The following PEAK1 variants were observed in gnomAD, a reference collection of about 807,000 sequenced individuals.
PEAK1 encodes pseudopodium enriched atypical kinase 1.
PEAK1 carries 54 observed loss-of-function variants against 124.7 expected under a neutral mutation model. The ratio of observed to expected loss-of-function variants is 0.43; its 90% confidence interval spans 0.35 to 0.54. The LOEUF (loss-of-function observed/expected upper bound fraction) is 0.54. PEAK1 is among the 20% of genes least tolerant of loss of function. The pLI, the probability that PEAK1 is intolerant of heterozygous loss-of-function variation, is 0.01. For synonymous variants in PEAK1, 719 were observed against 760.0 expected (o/e 0.95, Z 0.89); for missense variants, 2,046 against 2,134.5 (o/e 0.96, Z 0.82).
chr15:77,220,369 C>T (rs563295933), intron 6 of PEAK1, among the ~76,000 whole-genome samples: 57 of 152,102 alleles, frequency 3.7e-4, no homozygotes, highest in African/African-American at 1.3e-3. Flanking sequence ...CTTCTTACCA[C>T]TTAGATGTTA....
chr15:77,419,664 G>T (rs1277565614), intron 1 of PEAK1: 16 of 984,968 alleles, frequency 1.6e-5, no homozygotes, highest in Non-Finnish European at 1.9e-5. Flanking sequence ...TCCCAGCCGC[G>T]CCCGGGGGCG....
chr15:77,179,169 C>T lies in PEAK1; in HGVS notation c.2758G>A (p.Ala920Thr), dbSNP rs750098550. 2 of 1,614,152 alleles carry T rather than the reference C, an allele frequency of 1.2e-6. No homozygotes were observed. The highest frequency in any genetic ancestry group is 1.7e-5 in the Admixed American group (1 of 60,010). The change falls in exon 7 of 10, where the codon GCA (alanine) becomes ACA (threonine). Residue 920 changes from alanine to threonine, a missense_variant. Ala to Thr is a moderately conservative substitution (Grantham distance 58, BLOSUM62 0). Transcript: ENST00000682557. ...AATGATATCCAGCGCTTAGGTTTTG[C>T]ATCAGCTGCCCGCCTGCTGCCTTCA... ...HSEGSRRAAD[A>T]KPKRWISFKS...
chr15:77,412,727 T>C (rs1426539414), intron 1 of PEAK1, among the ~76,000 whole-genome samples: 1 of 151,762 alleles, frequency 6.6e-6, no homozygotes, highest in Non-Finnish European at 1.5e-5. Context: ...AATATCATCC[T>C]CCAATGAAAG....
In PEAK1 at chr15:77,133,473, G is replaced by A; in HGVS notation, c.3609C>T (p.Ile1203=). The A allele has an allele frequency of 6.2e-7, 1 of 1,614,228 alleles. No homozygotes were observed. ...NWDASSAGSS[I]SYELKGLDIE... The stretch of plus-strand genomic sequence containing the variant: ...TGTCCAGTCCTTTGAGTTCATAGCT[G>A]ATGGAAGAACCAGCACTGCTGGCAT... Residue 1203 remains isoleucine, a synonymous_variant, in exon 9 of 10, where the codon ATC becomes ATT. Transcript: ENST00000682557. This position sits in a 1 kb window ranked among gnomAD's most constrained non-coding sequence, Gnocchi z 4.2.
At chr15:77,344,810 T>A (rs1268472866) in intron 2 of PEAK1, among the ~76,000 whole-genome samples, 2 of 152,230 alleles carry the variant, frequency 1.3e-5, no homozygotes, top group African/African-American at 4.8e-5. Context: ...TTCTTTTTGA[T>A]AGAATTGTTT....
At chr15:77,270,867 T>C (rs2061993731) in intron 5 of PEAK1, among the ~76,000 whole-genome samples, 1 of 152,142 alleles carries the variant, frequency 6.6e-6, no homozygotes, top group South Asian at 2.1e-4. Flanking sequence ...GATGTAGGCA[T>C]GGGCAAGGAC....
intron 6 of PEAK1, among the ~76,000 whole-genome samples, chr15:77,228,610 C>A (rs2059778140): frequency 6.6e-6 from 1 of 152,022 alleles, no homozygotes; most frequent in Non-Finnish European, 1.5e-5. Context: ...AGCACAAACC[C>A]TGAGAGGATG....
intron 1 of PEAK1, among the ~76,000 whole-genome samples, chr15:77,377,155 T>C (rs1250505832): frequency 2.0e-5 from 3 of 152,162 alleles, no homozygotes; most frequent in Non-Finnish European, 4.4e-5. Flanking sequence ...GAGACCAAGG[T>C]GAGAGGATCA....
At chr15:77,357,804 T>C (rs2067616902) in intron 2 of PEAK1, among the ~76,000 whole-genome samples, 1 of 152,144 alleles carries the variant, frequency 6.6e-6, no homozygotes, top group Non-Finnish European at 1.5e-5. Context: ...CCACATACCT[T>C]TTCTATTTTT....
intron 6 of PEAK1, among the ~76,000 whole-genome samples, chr15:77,219,915 G>C (rs1354891610): frequency 6.6e-6 from 1 of 151,790 alleles, no homozygotes; most frequent in African/African-American, 2.4e-5. Flanking sequence ...TTATTAATAG[G>C]CCATACTTTA....
At chr15:77,337,684 A>G (rs1026365184) in intron 2 of PEAK1, 8 of 985,336 alleles carry the variant, frequency 8.1e-6, no homozygotes, top group Non-Finnish European at 8.4e-6. Context: ...ATTAACCCGG[A>G]AAAGTCATTT....
intron 9 of PEAK1, among the ~76,000 whole-genome samples, chr15:77,115,606 G>A (rs747641175): frequency 2.5e-4 from 36 of 145,340 alleles, no homozygotes; most frequent in Non-Finnish European, 4.5e-4. Flanking sequence ...AAAAAAGCCC[G>A]GGGTTATGTG....
At chr15:77,131,081 T>C (rs1434256979) in intron 9 of PEAK1, among the ~76,000 whole-genome samples, 1 of 152,242 alleles carries the variant, frequency 6.6e-6, no homozygotes, top group Admixed American at 6.5e-5. Context: ...GAATTCTTGA[T>C]GTCAAGAGTT....
At chr15:77,254,671 T>C (rs181000393) in intron 5 of PEAK1, among the ~76,000 whole-genome samples, 11 of 152,194 alleles carry the variant, frequency 7.2e-5, no homozygotes, top group Admixed American at 6.5e-4. Flanking sequence ...GGGCTCAAGC[T>C]ATCTTCCCAC....
downstream of PEAK1, chr15:77,107,561 A>G (rs771888805): frequency 1.3e-5 from 2 of 152,170 alleles, no homozygotes; most frequent in Non-Finnish European, 2.9e-5. Flanking sequence ...CTTTTCATCT[A>G]TTCTCCTCTC....
chr15:77,415,787 C>T (rs2072830153), intron 1 of PEAK1, among the ~76,000 whole-genome samples: 2 of 152,134 alleles, frequency 1.3e-5, no homozygotes, highest in African/African-American at 4.8e-5. Flanking sequence ...TTCCTTATTA[C>T]CTTCAAATCC....
chr15:77,420,679 G>C, upstream of PEAK1: 1 of 389,486 alleles, frequency 2.6e-6, no homozygotes, highest in Non-Finnish European at 4.5e-6. Flanking sequence ...GGCTCACCTT[G>C]CGTAACCACG....
intron 2 of PEAK1, among the ~76,000 whole-genome samples, chr15:77,291,461 T>A (rs78671353): frequency 6.6e-6 from 1 of 152,066 alleles, no homozygotes; most frequent in African/African-American, 2.4e-5. Context: ...CTAAAGAGAA[T>A]AACATCAACC....
intron 7 of PEAK1, among the ~76,000 whole-genome samples, chr15:77,175,471 A>G (rs900141559): frequency 3.8e-4 from 58 of 151,650 alleles, no homozygotes; most frequent in Middle Eastern, 3.4e-3. Context: ...TCAAAAGAAG[A>G]CATTTATGCA....
Sources: gnomAD v4.1 joint callset for allele counts (sites outside exome capture counted in the v4.1 genomes callset) on GRCh38, gnomAD v4.1.1 for gene constraint, Gnocchi (gnomAD v3.1) non-coding constraint, MANE v1.5 for transcripts, NCBI Gene and HGNC (gene_info 2026-07-23, HGNC 2026-07-21) for gene names.